The following MAGEB2 variants were observed in gnomAD, a reference collection of about 807,000 sequenced individuals.
MAGEB2 encodes melanoma-associated antigen B2.
For missense variants in MAGEB2, 365 were observed against 243.2 expected (o/e 1.50, Z -3.33); for synonymous variants, 107 against 96.2 (o/e 1.11, Z -0.66).
Position 30,219,783 on chromosome X carries a change from A to G in MAGEB2, c.*243A>G. On this transcript the variant is annotated 3_prime_UTR_variant, in exon 2 of 2. Coordinates refer to ENST00000378988, the MANE Select transcript of MAGEB2 (RefSeq NM_002364.5). ...CAGAATGTAAATTTACAAATGATAT[A>G]GATCACCCTGTTATTGCTGTTTTTC... is the stretch of plus-strand genomic sequence containing the variant. 1 of 290,597 alleles carries G rather than the reference A, an allele frequency of 3.4e-6. No individual in the cohort carries two copies. Among genetic ancestry groups the G allele is most frequent in the East Asian group, 5.3e-5 (1 of 18,892 alleles). 23.9% of individuals were successfully genotyped at this position (290,597 alleles called of 1,213,427 possible).
chrX:30,219,616 C>T lies in MAGEB2; in HGVS notation c.*76C>T, dbSNP rs1247741698. 19 of 949,375 alleles carry T rather than the reference C, an allele frequency of 2.0e-5. No homozygotes were observed. The East Asian group carries it at 5.9e-4, about 29-fold the overall frequency. The allele number at this position is 949,375 out of a possible 1,213,427, so 78.2% of individuals were successfully genotyped here. ...CAAAGCCAAGTTTACCTGCTGTTCTCACCCCCAATGAGGTCTTAGGCAGAT... is the reference window on the plus strand; with the variant it reads ...CAAAGCCAAGTTTACCTGCTGTTCTTACCCCCAATGAGGTCTTAGGCAGAT... On this transcript the variant is annotated 3_prime_UTR_variant, in exon 2 of 2. Transcript: ENST00000378988.
In MAGEB2 at chrX:30,218,657, A is replaced by AGGG; in HGVS notation, c.77_78insGGG (p.Asn26delinsLysGly). ...GCCCGAGATGAGACCCGGGGTCTCA[A>AGGG]TGTTCCTCAGGTCACTGAAGCAGAG... On this transcript the variant is annotated protein_altering_variant, in exon 2 of 2. Coordinates refer to ENST00000378988, the MANE Select transcript of MAGEB2 (RefSeq NM_002364.5). 1 of 1,210,456 alleles carries AGGG rather than the reference A, an allele frequency of 8.3e-7. No homozygotes were observed.
chrX:30,219,696 TA>T lies in MAGEB2; in HGVS notation c.*158del. 1 of 415,857 alleles carries T rather than the reference TA, an allele frequency of 2.4e-6. No homozygotes were observed. The highest frequency in any genetic ancestry group is 3.9e-6 in the Non-Finnish European group (1 of 256,651). The allele number at this position is 415,857 out of a possible 1,213,427, so 34.3% of individuals were successfully genotyped here. A position where few individuals can be genotyped will look rare whatever the true frequency, so the allele number is the denominator to read the frequency against. On this transcript the variant is annotated 3_prime_UTR_variant, in exon 2 of 2. Coordinates refer to ENST00000378988, the MANE Select transcript of MAGEB2 (RefSeq NM_002364.5). Reference sequence around the variant, plus strand: ...AACCTTTGTTCTTGTTATGCATGAATAACTTGTTGACTTTTTTTTTTTCTCT... The same window carrying T: ...AACCTTTGTTCTTGTTATGCATGAATACTTGTTGACTTTTTTTTTTTCTCT...
chrX:30,215,767 C>A (rs760530134), intron 1 of MAGEB2, 112 bp downstream of exon 1: 1 of 97,928 alleles, frequency 1.0e-5, no homozygotes, highest in East Asian at 3.2e-4. Context: ...AGCCGTCCGG[C>A]AATGTTCCAC....
intron 1 of MAGEB2, among the ~76,000 whole-genome samples, chrX:30,216,252 A>G (rs1161143558): frequency 2.7e-5 from 3 of 111,793 alleles, no homozygotes; most frequent in African/African-American, 9.8e-5. Flanking sequence ...CCGGGACTAA[A>G]GAAGTTGAGG....
In MAGEB2 at chrX:30,219,480, C is replaced by A; in HGVS notation, c.900C>A (p.Pro300=). 2 of 1,210,864 alleles carry A rather than the reference C, an allele frequency of 1.7e-6. No homozygotes were observed. The highest frequency in any genetic ancestry group is 2.2e-6 in the Non-Finnish European group (2 of 895,022). Residue 300 remains proline (P), a synonymous_variant, in exon 2 of 2, where the codon CCC becomes CCA. Transcript: ENST00000378988. ...EFLAKVNGTT[P]CAFPTHYEEA... ...TGGCCAAGGTAAATGGTACCACCCC[C>A]TGTGCCTTCCCAACCCATTACGAAG...
rs770379532 is a variant in MAGEB2, at chrX:30,218,580, C to G, written c.-1C>G. ...CACATTTCTTGGTTTACCCAGCCAT[C>G]ATGCCTCGTGGTCAGAAGAGTAAGC... On this transcript the variant is annotated 5_prime_UTR_variant, in exon 2 of 2. The change creates a new upstream start codon in the 5' untranslated region. Transcript: ENST00000378988. 24 of 1,197,225 alleles carry G rather than the reference C, an allele frequency of 2.0e-5. No homozygotes were observed. Among genetic ancestry groups the G allele is most frequent in the Non-Finnish European group, 2.7e-5 (24 of 887,989 alleles).
chrX:30,216,609 G>A (rs1174635420), intron 1 of MAGEB2, among the ~76,000 whole-genome samples: 3 of 111,587 alleles, frequency 2.7e-5, no homozygotes, highest in South Asian at 3.8e-4. Context: ...GGCCGGGCGC[G>A]GTGGCTCACG....
chrX:30,216,737 T>C (rs1307698041), intron 1 of MAGEB2, among the ~76,000 whole-genome samples: 1 of 105,718 alleles, frequency 9.5e-6, no homozygotes, highest in African/African-American at 3.4e-5. Flanking sequence ...AAAAAAAAAT[T>C]AGCGGGGAGC....
chrX:30,219,114 C>A lies in MAGEB2; in HGVS notation c.534C>A (p.Tyr178Ter), dbSNP rs1276886064. The change falls in exon 2 of 2, where the codon TAC becomes TAA. Residue 178 changes from tyrosine to a stop codon, truncating the protein, a stop_gained. Coordinates refer to ENST00000378988, the MANE Select transcript of MAGEB2 (RefSeq NM_002364.5). LOFTEE classifies it low-confidence loss of function (END_TRUNC). ...AAGTCAACCCCAACGGCCACACTTA[C>A]ACCTTCATCGACAAGGTAGACCTCA... ...LNKVNPNGHT[Y>*]TFIDKVDLTD... is the part of the protein sequence containing the mutation. 3.3e-6 allele frequency: 4 copies of A among 1,210,657 alleles called. No individual in the cohort carries two copies. Among genetic ancestry groups the A allele is most frequent in the Non-Finnish European group, 4.5e-6 (4 of 894,811 alleles).
intron 1 of MAGEB2, 139 bp downstream of exon 1, chrX:30,215,794 C>T (rs1286327953): frequency 2.3e-5 from 2 of 85,300 alleles, no homozygotes; most frequent in African/African-American, 9.3e-5. Context: ...AGTTCCAGGG[C>T]AGGGGAAGGG....
At chrX:30,218,342 C>CTCACTGTAGG (rs1318052106) in intron 1 of MAGEB2, among the ~76,000 whole-genome samples, 9 of 111,975 alleles carry the variant, frequency 8.0e-5, no homozygotes, top group Non-Finnish European at 1.3e-4. Context: ...CAGTCTGAAA[C>CTCACTGTAGG]TCACTGTAGG....
chrX:30,216,137 A>G (rs1203090741), intron 1 of MAGEB2, among the ~76,000 whole-genome samples: 1 of 111,517 alleles, frequency 9.0e-6, no homozygotes, highest in East Asian at 2.8e-4. Flanking sequence ...GCGGACCTCT[A>G]CCCAAAAGAG....
chrX:30,219,388 C>T lies in MAGEB2; in HGVS notation c.808C>T (p.Arg270Cys), dbSNP rs774884656. Residue 270 changes from arginine (R) to cysteine (C), a missense_variant, in exon 2 of 2, where the codon CGC becomes TGC. Physicochemically the swap from Arg to Cys is radical, Grantham distance 180. Transcript: ENST00000378988. ...GCAGGTGCCCAGCAGTGATCCCCCA[C>T]GCTTTCAATTCCTGTGGGGTCCGAG... ...YKQVPSSDPP[R>C]FQFLWGPRAY... 1.7e-5 allele frequency: 20 copies of T among 1,210,400 alleles called. No individual in the cohort carries two copies. The highest frequency in any genetic ancestry group is 3.0e-5 in the East Asian group (1 of 33,778).
Position 30,219,407 on chromosome X carries a change from G to T in MAGEB2, c.827G>T (p.Gly276Val), listed in dbSNP as rs772656322. The change falls in exon 2 of 2, where the codon GGT becomes GTT. Residue 276 changes from glycine (G) to valine (V), a missense_variant. Coordinates refer to ENST00000378988, the MANE Select transcript of MAGEB2 (RefSeq NM_002364.5). Reference protein sequence around the residue: ...SDPPRFQFLWGPRAYAETSKM... With the variant: ...SDPPRFQFLWVPRAYAETSKM... ...CCCCCACGCTTTCAATTCCTGTGGGGTCCGAGAGCCTATGCTGAAACCAGC... is the reference window on the plus strand; with the variant it reads ...CCCCCACGCTTTCAATTCCTGTGGGTTCCGAGAGCCTATGCTGAAACCAGC... 3 of 1,211,682 alleles carry T rather than the reference G, an allele frequency of 2.5e-6. No homozygotes were observed. The highest frequency in any genetic ancestry group is 3.4e-6 in the Non-Finnish European group (3 of 895,295).
intron 1 of MAGEB2, among the ~76,000 whole-genome samples, chrX:30,218,186 C>T (rs1008364287): frequency 3.6e-5 from 4 of 111,944 alleles, no homozygotes; most frequent in Non-Finnish European, 5.6e-5. Flanking sequence ...TTCACAGTAG[C>T]GGAAGGGAGT....
At position 30,219,334 on chromosome X, in the gene MAGEB2, C is replaced by G. The variant is rs769925797; in HGVS notation, c.754C>G (p.Leu252Val). ...ACCCTGGAAGCTCATCACCAAAGAT[C>G]TGGTGCAGGAAAAATATCTGGAGTA... ...GEPWKLITKDLVQEKYLEYKQ... is the reference protein window; with the variant it reads ...GEPWKLITKDVVQEKYLEYKQ... The change falls in exon 2 of 2, where the codon CTG becomes GTG. Residue 252 changes from leucine (L) to valine (V), a missense_variant. Physicochemically the swap from Leu to Val is conservative, Grantham distance 32. Coordinates refer to ENST00000378988, the MANE Select transcript of MAGEB2 (RefSeq NM_002364.5). 8.3e-7 allele frequency: 1 copy of G among 1,211,330 alleles called. No individual in the cohort carries two copies. Among genetic ancestry groups the G allele is most frequent in the Non-Finnish European group, 1.1e-6 (1 of 894,990 alleles).
intron 1 of MAGEB2, among the ~76,000 whole-genome samples, chrX:30,218,277 G>T (rs1894386): frequency 0.16 from 18,063 of 111,050 alleles, 1,404 homozygotes; most frequent in African/African-American, 0.3. Flanking sequence ...ACAGGAGGCC[G>T]CACTGCCAGT....
At chrX:30,217,749 G>A (rs1252338659) in intron 1 of MAGEB2, among the ~76,000 whole-genome samples, 3 of 111,850 alleles carry the variant, frequency 2.7e-5, no homozygotes, top group African/African-American at 9.8e-5. Flanking sequence ...GACGACATAG[G>A]CCTCAGTTCA....
Sources: gnomAD v4.1 joint callset for allele counts (sites outside exome capture counted in the v4.1 genomes callset) on GRCh38, gnomAD v4.1.1 for gene constraint, MANE v1.5 for transcripts, NCBI Gene and HGNC (gene_info 2026-07-23, HGNC 2026-07-21) for gene names.